KCNIP4: variants seen among roughly 807,000 people sequenced by gnomAD.
KCNIP4 encodes potassium voltage-gated channel interacting protein 4.
A neutral mutation model predicts 34.0 loss-of-function variants in KCNIP4; 12 were observed. That is an observed-to-expected ratio of 0.35 (90% CI 0.23 to 0.57). The LOEUF (loss-of-function observed/expected upper bound fraction) is 0.57. Among genes scored for constraint, KCNIP4 ranks in the 20% least tolerant of loss-of-function variants. The probability of loss-of-function intolerance (pLI) is 0.83; values close to 1 mark genes in which losing one functional copy is unlikely to be tolerated. For synonymous variants in KCNIP4, 124 were observed against 102.2 expected, an observed-to-expected ratio of 1.21 and a Z score of -1.29; for missense variants, 238 against 311.7, an observed-to-expected ratio of 0.76 and a Z score of 1.78.
intron 1 of KCNIP4, among the ~76,000 whole-genome samples, chr4:21,294,685 C>T (rs1763737531): frequency 6.6e-6 from 1 of 152,094 alleles, no homozygotes; most frequent in Non-Finnish European, 1.5e-5. Context: ...ATGTATGCTA[C>T]CAAATAGCAT....
At chr4:21,153,529 AT>A (rs1752918715) in intron 1 of KCNIP4, among the ~76,000 whole-genome samples, 7 of 147,646 alleles carry the variant, frequency 4.7e-5, no homozygotes, top group South Asian at 2.1e-4. Flanking sequence ...ATATATATAT[AT>A]ATATATATAT....
chr4:20,786,898 T>C (rs549041257), intron 3 of KCNIP4, among the ~76,000 whole-genome samples: 2 of 152,272 alleles, frequency 1.3e-5, no homozygotes, highest in African/African-American at 4.8e-5. Context: ...TAGCATGTGT[T>C]TTGTTAACGT....
At chr4:21,856,517 C>T (rs1578075609) in intron 1 of KCNIP4, among the ~76,000 whole-genome samples, 1 of 152,198 alleles carries the variant, frequency 6.6e-6, no homozygotes, top group Admixed American at 6.5e-5. Flanking sequence ...AAGCTCCACC[C>T]CCTTCTGAGT....
At chr4:20,983,784 C>T (rs1212801836) in intron 1 of KCNIP4, 2 of 1,525,502 alleles carry the variant, frequency 1.3e-6, no homozygotes, top group Non-Finnish European at 1.8e-6. Flanking sequence ...CAGACCTGCC[C>T]AACAGCACAG....
intron 1 of KCNIP4, among the ~76,000 whole-genome samples, chr4:21,545,498 C>T (rs1738069317): frequency 6.6e-6 from 1 of 152,088 alleles, no homozygotes; most frequent in East Asian, 1.9e-4. Flanking sequence ...AACCTGTCAC[C>T]TACATTAGGT....
chr4:21,196,666 G>A (rs1162816646), intron 1 of KCNIP4, among the ~76,000 whole-genome samples: 2 of 152,190 alleles, frequency 1.3e-5, no homozygotes, highest in Admixed American at 6.5e-5. Flanking sequence ...TTTGAATAAG[G>A]AAATTATATT....
intron 1 of KCNIP4, among the ~76,000 whole-genome samples, chr4:21,913,241 G>A (rs1484206090): frequency 1.3e-5 from 2 of 152,122 alleles, no homozygotes; most frequent in Non-Finnish European, 1.5e-5. Context: ...TTGGGAGGCT[G>A]AGGCAAGAGG....
intron 1 of KCNIP4, chr4:20,984,154 C>T: frequency 1.7e-6 from 1 of 584,906 alleles, no homozygotes; most frequent in Non-Finnish European, 2.9e-6. Flanking sequence ...GGGGCTTCCC[C>T]CCTGCTACCA....
intron 3 of KCNIP4, among the ~76,000 whole-genome samples, chr4:20,768,770 T>C (rs112341133): frequency 6.6e-6 from 1 of 152,170 alleles, no homozygotes; most frequent in African/African-American, 2.4e-5. Flanking sequence ...CTGCATTAAC[T>C]GCCTCTTCCA....
chr4:21,383,719 C>G (rs868368665), intron 1 of KCNIP4, among the ~76,000 whole-genome samples: 1 of 152,046 alleles, frequency 6.6e-6, no homozygotes. Flanking sequence ...AATGCCTATT[C>G]ATTGGTTTTC....
chr4:20,744,809 A>C (rs949697128), intron 5 of KCNIP4, among the ~76,000 whole-genome samples: 1 of 152,184 alleles, frequency 6.6e-6, no homozygotes, highest in African/African-American at 2.4e-5. Context: ...AGCACGTTTA[A>C]GTCAAGTGTG....
chr4:20,730,684 G>T (rs1747867338), intron 8 of KCNIP4, among the ~76,000 whole-genome samples: 1 of 152,148 alleles, frequency 6.6e-6, no homozygotes, highest in Non-Finnish European at 1.5e-5. Context: ...CTTTAAAAAT[G>T]AATGGTCTCT....
chr4:21,431,170 T>A (rs958686683), intron 1 of KCNIP4, among the ~76,000 whole-genome samples: 14 of 149,456 alleles, frequency 9.4e-5, no homozygotes, highest in African/African-American at 3.2e-4. Context: ...CCAATAAATT[T>A]AAAAAAAAAG....
intron 1 of KCNIP4, among the ~76,000 whole-genome samples, chr4:21,413,102 G>A: frequency 6.6e-6 from 1 of 152,176 alleles, no homozygotes; most frequent in East Asian, 1.9e-4. Context: ...TTACAGAATT[G>A]GCAGGGGCCT....
chr4:20,838,084 C>G (rs577922629), intron 3 of KCNIP4, among the ~76,000 whole-genome samples: 1 of 152,156 alleles, frequency 6.6e-6, no homozygotes, highest in East Asian at 1.9e-4. Flanking sequence ...TTATTACCAC[C>G]CTTGCATGGG....
At chr4:21,474,491 G>A (rs763052047) in intron 1 of KCNIP4, among the ~76,000 whole-genome samples, 17 of 152,126 alleles carry the variant, frequency 1.1e-4, no homozygotes, top group Non-Finnish European at 2.2e-4. Context: ...TAACACTGAA[G>A]AGATATTTCA....
intron 1 of KCNIP4, among the ~76,000 whole-genome samples, chr4:21,558,130 A>C (rs1739224959): frequency 1.3e-5 from 2 of 152,184 alleles, no homozygotes; most frequent in South Asian, 2.1e-4. Context: ...ACTGCATCCA[A>C]GGGCTGTGCT....
chr4:21,272,635 A>G (rs1304670137), intron 1 of KCNIP4, among the ~76,000 whole-genome samples: 2 of 152,188 alleles, frequency 1.3e-5, no homozygotes, highest in African/African-American at 4.8e-5. Context: ...AAGGAGGCTA[A>G]TCCAAGTAAA....
intron 3 of KCNIP4, among the ~76,000 whole-genome samples, chr4:20,777,682 CAGTGGAGGTTGTAGATTACAGAGAAAA>C (rs1367481588): frequency 6.6e-6 from 1 of 152,038 alleles, no homozygotes; most frequent in Non-Finnish European, 1.5e-5. Context: ...TAATTTGTGA[CAGTGGAGGTTGTAGATTACAGAGAAAA>C]AGTGGAGGTT....
Sources: allele counts gnomAD v4.1 joint callset (sites outside exome capture counted in the v4.1 genomes callset), GRCh38; gene constraint gnomAD v4.1.1; transcripts MANE v1.5; gene names NCBI Gene and HGNC (gene_info 2026-07-23, HGNC 2026-07-21).